The following DNAH12 variants were observed in gnomAD, a reference collection of about 807,000 sequenced individuals.
DNAH12 encodes the protein axonemal beta dynein heavy chain 12.
In DNAH12, 285 loss-of-function variants were observed where a neutral mutation model predicts 371.5. The ratio of observed to expected loss-of-function variants is 0.77; its 90% CI spans 0.70 to 0.85. The LOEUF (loss-of-function observed/expected upper bound fraction) is 0.85, where lower values mean the gene tolerates loss of function less well. Among genes scored for constraint, DNAH12 ranks in the 40% least tolerant of loss-of-function variants. DNAH12 has a pLI of 0.00. For synonymous variants in DNAH12, 1,200 were observed against 1,213.0 expected (o/e 0.99, Z 0.22); for missense variants, 3,611 against 3,689.4 (o/e 0.98, Z 0.55).
intron 58 of DNAH12, among the ~76,000 whole-genome samples, chr3:57,361,913 T>G (rs2062945549): frequency 6.6e-6 from 1 of 152,210 alleles, no homozygotes; most frequent in Admixed American, 6.5e-5. Context: ...GTGCACAATG[T>G]GCAGGTTTGT....
intron 40 of DNAH12, among the ~76,000 whole-genome samples, chr3:57,407,331 G>T (rs1202090280): frequency 6.7e-6 from 1 of 149,876 alleles, no homozygotes; most frequent in Non-Finnish European, 1.5e-5. Context: ...GATGCTTTCT[G>T]TATCCCCTTC....
intron 60 of DNAH12, among the ~76,000 whole-genome samples, chr3:57,337,877 C>T (rs1354238562): frequency 6.6e-6 from 1 of 152,160 alleles, no homozygotes; most frequent in Non-Finnish European, 1.5e-5. Flanking sequence ...CCAAAAAGAC[C>T]TAGAAGACAT....
At chr3:57,371,940 G>GAAAAAAAAAAAAAAAA (rs2063180760) in intron 55 of DNAH12, among the ~76,000 whole-genome samples, 1 of 10,828 alleles carries the variant, frequency 9.2e-5, no homozygotes, top group Non-Finnish European at 1.9e-4. Context: ...TCTAAACTCA[G>GAAAAAAAAAAAAAAAA]CAAAAAAAAA....
intron 66 of DNAH12, among the ~76,000 whole-genome samples, chr3:57,311,251 A>G (rs983895037): frequency 6.6e-6 from 1 of 151,900 alleles, no homozygotes; most frequent in African/African-American, 2.4e-5. Flanking sequence ...AATTTTTTGT[A>G]TTTTTAGTAG....
intron 2 of DNAH12, among the ~76,000 whole-genome samples, chr3:57,539,615 C>CT (rs11359818): frequency 0.37 from 47,383 of 128,668 alleles, 9,213 homozygotes; most frequent in South Asian, 0.54. Flanking sequence ...TTTCCTTTTC[C>CT]TTTTTTTTTT....
intron 65 of DNAH12, among the ~76,000 whole-genome samples, chr3:57,319,436 C>A (rs2061756497): frequency 1.3e-5 from 2 of 152,168 alleles, no homozygotes; most frequent in Non-Finnish European, 2.9e-5. Flanking sequence ...AGTGGGCTTC[C>A]ATGCCTTCTT....
At chr3:57,408,119 G>A (rs1339641075) in intron 40 of DNAH12, among the ~76,000 whole-genome samples, 161 bp downstream of exon 40, 4 of 152,008 alleles carry the variant, frequency 2.6e-5, no homozygotes, top group Non-Finnish European at 5.9e-5. Flanking sequence ...AACCCAAGTT[G>A]GATTCCCTCA....
chr3:57,483,074 T>TA (rs1305563982), intron 13 of DNAH12, among the ~76,000 whole-genome samples: 1 of 97,898 alleles, frequency 1.0e-5, no homozygotes, highest in African/African-American at 3.9e-5. Context: ...AGTATAATAA[T>TA]AAAAAAACAA....
intron 65 of DNAH12, among the ~76,000 whole-genome samples, chr3:57,315,794 T>C (rs1045788540): frequency 1.3e-5 from 2 of 152,146 alleles, no homozygotes; most frequent in Admixed American, 6.5e-5. Flanking sequence ...CTCTGAATAG[T>C]TGAAGGTTGC....
At chr3:57,407,658 G>T (rs2064080211) in intron 40 of DNAH12, among the ~76,000 whole-genome samples, 2 of 151,986 alleles carry the variant, frequency 1.3e-5, no homozygotes, top group South Asian at 4.1e-4. Context: ...TAAATATATT[G>T]TTTCCCATTT....
intron 4 of DNAH12, chr3:57,520,010 T>G: frequency 1.3e-6 from 1 of 775,056 alleles, no homozygotes. Context: ...ACGTCGGCCA[T>G]GGTAGCGCCG....
At chr3:57,295,478 C>G in intron 73 of DNAH12, 47 bp downstream of exon 73, 2 of 1,506,840 alleles carry the variant, frequency 1.3e-6, no homozygotes, top group East Asian at 2.5e-5. Context: ...AATATCCATC[C>G]TTATTCTCCC....
chr3:57,544,361 G>A (rs2069435791), upstream of DNAH12: 1 of 152,234 alleles, frequency 6.6e-6, no homozygotes, highest in Non-Finnish European at 1.5e-5. Flanking sequence ...TGACCGGTTG[G>A]AAACAACGTC....
At chr3:57,403,021 GCT>G (rs2063917169) in intron 43 of DNAH12, among the ~76,000 whole-genome samples, 1 of 152,130 alleles carries the variant, frequency 6.6e-6, no homozygotes, top group African/African-American at 2.4e-5. Flanking sequence ...AGAAAGCCTT[GCT>G]CTGTTATGTG....
intron 35 of DNAH12, among the ~76,000 whole-genome samples, chr3:57,423,250 A>C (rs985933156): frequency 1.3e-5 from 2 of 152,242 alleles, no homozygotes; most frequent in Admixed American, 1.3e-4. Context: ...GTTTACCAAC[A>C]GAATAAAATG....
intron 13 of DNAH12, among the ~76,000 whole-genome samples, chr3:57,481,959 A>AT (rs772085236): frequency 6.6e-6 from 1 of 152,230 alleles, no homozygotes; most frequent in Non-Finnish European, 1.5e-5. Flanking sequence ...ACCTAAAACC[A>AT]TAAAAACCCT....
Position 57,310,808 on chromosome 3 carries a change from A to G in DNAH12, c.10805T>C (p.Ile3602Thr), listed in dbSNP as rs1320337885. 1 of 1,551,542 alleles carries G rather than the reference A, an allele frequency of 6.4e-7. No homozygotes were observed. The highest frequency in any genetic ancestry group is 2.4e-5 in the East Asian group (1 of 40,906). The change falls in exon 67 of 74, where the codon ATA (isoleucine) becomes ACA (threonine). Residue 3602 changes from isoleucine (I) to threonine (T), a missense_variant. Ile to Thr is a moderately conservative substitution (Grantham distance 89). Coordinates refer to ENST00000495027, the MANE Select transcript of DNAH12 (RefSeq NM_001366028.2). ...AAACTTATAATGAGGGTTTTCAACT[A>G]TGTACAGATTATAAAAGTCAGCCAG... ...TMLADFYNLY[I>T]VENPHYKFSP...
intron 65 of DNAH12, among the ~76,000 whole-genome samples, chr3:57,316,575 T>G (rs934411586): frequency 6.6e-6 from 1 of 152,102 alleles, no homozygotes; most frequent in Non-Finnish European, 1.5e-5. Flanking sequence ...ACGACTGATA[T>G]CGTTTGGCTC....
In DNAH12 at chr3:57,322,357, G is replaced by A. The variant is rs759989524; in HGVS notation, c.10510C>T (p.Arg3504Cys). ...VSDPEFFKGC[R>C]GKELAWEKLL... is the part of the protein sequence containing the mutation. Reference sequence around the variant, plus strand: ...ATGAATATTACCAGTTCCTTTCCACGGCATCCCTTGAAAAACTCAGGATCA... The same window carrying A: ...ATGAATATTACCAGTTCCTTTCCACAGCATCCCTTGAAAAACTCAGGATCA... The change falls in exon 65 of 74, where the codon CGT becomes TGT. Residue 3504 changes from arginine (R) to cysteine (C), a missense_variant. Transcript: ENST00000495027. 4.5e-6 allele frequency: 7 copies of A among 1,550,444 alleles called. No homozygotes were observed. Among genetic ancestry groups the A allele is most frequent in the Middle Eastern group, 1.7e-4 (1 of 6,010 alleles).
Sources: allele counts gnomAD v4.1 joint callset (sites outside exome capture counted in the v4.1 genomes callset), GRCh38; gene constraint gnomAD v4.1.1; transcripts MANE v1.5; gene names NCBI Gene and HGNC (gene_info 2026-07-23, HGNC 2026-07-21).